ADARB2: variants seen among roughly 807,000 people sequenced by gnomAD.
ADARB2 encodes the protein inactive double-stranded RNA-specific editase B2.
In ADARB2, 25 loss-of-function variants were observed where a neutral mutation model predicts 62.2. The ratio of observed to expected loss-of-function variants is 0.40; its 90% CI spans 0.29 to 0.56. The LOEUF is 0.56. Ranked by LOEUF, ADARB2 falls within the 20% of genes least tolerant of loss-of-function variation. The pLI, the probability that ADARB2 is intolerant of heterozygous loss-of-function variation, is 0.43. For missense variants in ADARB2, 1,071 were observed against 1,077.4 expected (o/e 0.99, Z 0.08); for synonymous variants, 572 against 500.8 (o/e 1.14, Z -1.90).
Position 1,184,865 on chromosome 10 carries a change from C to T in ADARB2, c.2039G>A (p.Gly680Asp), listed in dbSNP as rs1836729127. The T allele has an allele frequency of 1.2e-6, 2 of 1,612,400 alleles. No individual in the cohort carries two copies. Among genetic ancestry groups the T allele is most frequent in the Non-Finnish European group, 1.7e-6 (2 of 1,179,394 alleles). ...VLSARWARLY[G>D]RLSTRTPSPG... is the part of the protein sequence containing the mutation. ...GCAAGGATGGGTGCGACCTACCCTG[C>T]CATACAGCCGCGCCCACCGTGCAGA... The change falls in exon 9 of 10, where the codon GGC becomes GAC. Residue 680 changes from glycine (G) to aspartate (D), a missense_variant. Physicochemically the swap from Gly to Asp is moderately conservative, Grantham distance 94. Transcript: ENST00000381312.
intron 1 of ADARB2, among the ~76,000 whole-genome samples, chr10:1,679,994 A>G (rs1363218860): frequency 2.0e-5 from 3 of 151,986 alleles, no homozygotes; most frequent in Non-Finnish European, 4.4e-5. Context: ...AGCCTTAGCC[A>G]CTTAACCTGC....
At chr10:1,439,592 C>T (rs1172116917) in intron 1 of ADARB2, among the ~76,000 whole-genome samples, 3 of 55,994 alleles carry the variant, frequency 5.4e-5, no homozygotes, top group African/African-American at 8.2e-5. Flanking sequence ...GAGTCTCTCC[C>T]AGGATGGAGG....
intron 2 of ADARB2, among the ~76,000 whole-genome samples, chr10:1,371,604 G>GA (rs1163679155): frequency 3.3e-5 from 5 of 151,560 alleles, no homozygotes; most frequent in African/African-American, 1.2e-4. Flanking sequence ...AACTTAGCAA[G>GA]AAAAAACCAA....
chr10:1,580,467 GTCTT>G (rs1284927619), intron 1 of ADARB2, among the ~76,000 whole-genome samples: 3 of 149,172 alleles, frequency 2.0e-5, no homozygotes, highest in Non-Finnish European at 4.4e-5. Flanking sequence ...CTCTTCACGG[GTCTT>G]TCTTTCTGAG....
intron 3 of ADARB2, among the ~76,000 whole-genome samples, chr10:1,319,934 T>A (rs2804097): frequency 0.5 from 76,101 of 152,108 alleles, 20,831 homozygotes; most frequent in African/African-American, 0.74. Flanking sequence ...TTCTAAAGTT[T>A]TTGGTGTGTA....
intron 6 of ADARB2, among the ~76,000 whole-genome samples, chr10:1,219,607 C>T (rs917353743): frequency 2.0e-5 from 3 of 152,162 alleles, no homozygotes; most frequent in African/African-American, 7.2e-5. Context: ...AAATAATGCC[C>T]AGCTCTTCCC....
intron 1 of ADARB2, among the ~76,000 whole-genome samples, chr10:1,668,682 T>C (rs547840355): frequency 1.7e-4 from 26 of 152,346 alleles, no homozygotes; most frequent in African/African-American, 6.3e-4. Context: ...GTGTGCACTG[T>C]TCTGCGGCAC....
chr10:1,360,427 C>T (rs1832242059), intron 3 of ADARB2, among the ~76,000 whole-genome samples: 1 of 152,196 alleles, frequency 6.6e-6, no homozygotes, highest in African/African-American at 2.4e-5. Flanking sequence ...TCTGCGTGGA[C>T]AGGAAGCAAG....
chr10:1,372,376 A>G (rs937430320), intron 2 of ADARB2, among the ~76,000 whole-genome samples: 2 of 152,216 alleles, frequency 1.3e-5, no homozygotes, highest in Non-Finnish European at 2.9e-5. Context: ...CTATTTGGGT[A>G]ATGGGTACAC....
intron 1 of ADARB2, among the ~76,000 whole-genome samples, chr10:1,631,971 C>A (rs1833849610): frequency 6.6e-6 from 1 of 152,148 alleles, no homozygotes; most frequent in Admixed American, 6.5e-5. Context: ...GCTTGCCATG[C>A]ACTGCCTTAG....
At chr10:1,628,913 T>C (rs972928469) in intron 1 of ADARB2, among the ~76,000 whole-genome samples, 3 of 152,220 alleles carry the variant, frequency 2.0e-5, no homozygotes, top group Non-Finnish European at 4.4e-5. Context: ...CTGGTGTCCG[T>C]TGGGTTCTGA....
chr10:1,380,922 A>C (rs1832477279), intron 1 of ADARB2, among the ~76,000 whole-genome samples: 1 of 152,212 alleles, frequency 6.6e-6, no homozygotes, highest in Non-Finnish European at 1.5e-5. Flanking sequence ...ATTTTTAATA[A>C]AGTAGGGCTA....
intron 1 of ADARB2, among the ~76,000 whole-genome samples, chr10:1,644,005 C>A (rs1834007121): frequency 6.6e-6 from 1 of 152,202 alleles, no homozygotes; most frequent in Non-Finnish European, 1.5e-5. Flanking sequence ...GCCCACACGG[C>A]TGTCTCCCGG....
intron 1 of ADARB2, among the ~76,000 whole-genome samples, chr10:1,509,207 T>C (rs1476868926): frequency 6.6e-6 from 1 of 152,172 alleles, no homozygotes; most frequent in Admixed American, 6.5e-5. Context: ...AAATGATCAA[T>C]CTCTTTGACT....
chr10:1,597,819 T>C (rs1350571763), intron 1 of ADARB2, among the ~76,000 whole-genome samples: 1 of 152,242 alleles, frequency 6.6e-6, no homozygotes, highest in African/African-American at 2.4e-5. Flanking sequence ...GATGCTTGCC[T>C]TCCTTTGTTT....
chr10:1,193,182 T>G (rs1247304119), intron 8 of ADARB2, among the ~76,000 whole-genome samples: 1 of 152,208 alleles, frequency 6.6e-6, no homozygotes, highest in Non-Finnish European at 1.5e-5. Flanking sequence ...TGCCAAGGCC[T>G]GGGCGGTGTC....
intron 3 of ADARB2, among the ~76,000 whole-genome samples, chr10:1,339,659 TG>T (rs1049472622): frequency 1.1e-4 from 17 of 152,206 alleles, no homozygotes; most frequent in African/African-American, 3.9e-4. Context: ...AGAGCTTTTC[TG>T]GCCATGAAAA....
intron 1 of ADARB2, among the ~76,000 whole-genome samples, chr10:1,498,085 T>G (rs1831714610): frequency 6.6e-6 from 1 of 152,094 alleles, no homozygotes; most frequent in Non-Finnish European, 1.5e-5. Flanking sequence ...CTTGGAAAAC[T>G]GTTTGGGCTG....
intron 1 of ADARB2, among the ~76,000 whole-genome samples, chr10:1,425,421 T>C (rs1832886335): frequency 6.6e-6 from 1 of 152,222 alleles, no homozygotes; most frequent in Non-Finnish European, 1.5e-5. Context: ...GCTCAACAAA[T>C]GTTGCTTTGA....
Sources: allele counts gnomAD v4.1 joint callset (sites outside exome capture counted in the v4.1 genomes callset), GRCh38; gene constraint gnomAD v4.1.1; transcripts MANE v1.5; gene names NCBI Gene and HGNC (gene_info 2026-07-23, HGNC 2026-07-21).